The following IL20RB variants were observed in gnomAD, a reference collection of about 807,000 sequenced individuals.
The protein encoded by IL20RB is interleukin 20 receptor subunit beta.
In IL20RB, 21 loss-of-function variants were observed where a neutral mutation model predicts 33.3. The ratio of observed to expected loss-of-function variants is 0.63; its 90% CI spans 0.45 to 0.91. The LOEUF (loss-of-function observed/expected upper bound fraction) is 0.91. IL20RB is among the 40% of genes least tolerant of loss of function. IL20RB has a pLI of 0.00. For synonymous variants in IL20RB, 147 were observed against 146.8 expected, an observed-to-expected ratio of 1.00 and a Z score of -0.01; for missense variants, 345 against 384.8, an observed-to-expected ratio of 0.90 and a Z score of 0.86.
intron 4 of IL20RB, 65 bp from the exon 5 acceptor site, chr3:136,991,873 G>A (rs1942038714): frequency 5.8e-6 from 9 of 1,561,238 alleles, no homozygotes; most frequent in Non-Finnish European, 7.9e-6. Flanking sequence ...GGCTCCCAAA[G>A]TGCTGGGATT....
At position 136,958,090 on chromosome 3, in the gene IL20RB, T is replaced by A. The variant is rs1392881304; in HGVS notation, c.-24T>A. The A allele has an allele frequency of 6.6e-6, 9 of 1,369,912 alleles. No homozygotes were observed. Among genetic ancestry groups the A allele is most frequent in the Non-Finnish European group, 9.4e-6 (9 of 959,026 alleles). 84.9% of individuals were successfully genotyped at this position (1,369,912 alleles called of 1,614,324 possible). A position where few individuals can be genotyped will look rare whatever the true frequency, so the allele number is the denominator to read the frequency against. ...GCTTTATTTTGGAAAGAAACAATGTTCTAGGTCAAACTGAGTCTACCAAAT... is the reference window on the plus strand; with the variant it reads ...GCTTTATTTTGGAAAGAAACAATGTACTAGGTCAAACTGAGTCTACCAAAT... On this transcript the variant is annotated 5_prime_UTR_variant, in exon 1 of 7. Transcript: ENST00000329582.
Position 136,995,511 on chromosome 3 carries a change from G to A in IL20RB, c.780G>A (p.Leu260=). 6.2e-7 allele frequency: 1 copy of A among 1,614,156 alleles called. No individual in the cohort carries two copies. The highest frequency in any genetic ancestry group is 8.5e-7 in the Non-Finnish European group (1 of 1,180,026). Residue 260 remains leucine, a synonymous_variant, in exon 6 of 7, where the codon CTG becomes CTA. Transcript: ENST00000329582. The stretch of plus-strand genomic sequence containing the variant: ...TGTTCGTCTGGAAAATGGGCCGGCT[G>A]CTCCAGTACTCCTGTTGCCCCGTGG... ...VPLFVWKMGR[L]LQYSCCPVVV...
At chr3:136,987,639 G>A (rs994187422) in intron 3 of IL20RB, among the ~76,000 whole-genome samples, 3 of 152,218 alleles carry the variant, frequency 2.0e-5, no homozygotes, top group African/African-American at 7.2e-5. Context: ...GGAGCAGGGG[G>A]TGGCGCTCAT....
intron 5 of IL20RB, among the ~76,000 whole-genome samples, chr3:136,994,653 T>C (rs1942092831): frequency 6.6e-6 from 1 of 152,148 alleles, no homozygotes; most frequent in African/African-American, 2.4e-5. Flanking sequence ...AACTGAGAGA[T>C]GGGAAAATAA....
chr3:136,974,467 T>C (rs1941567441), intron 1 of IL20RB, among the ~76,000 whole-genome samples: 1 of 152,186 alleles, frequency 6.6e-6, no homozygotes, highest in Non-Finnish European at 1.5e-5. Flanking sequence ...AAATATATCA[T>C]TCCATTCTCT....
In IL20RB at chr3:136,985,936, A is replaced by T. The variant is rs528230209; in HGVS notation, c.407-3505A>T. The stretch of plus-strand genomic sequence containing the variant: ...GTAGATTAACTCTGTGACTCTGGGC[A>T]TGTCACTTAATCTCTCTGTAAAACA... On this transcript the variant is annotated intron_variant, in intron 3 of 6. Transcript: ENST00000329582. Among the ~76,000 whole-genome samples, 5 of 152,330 alleles carry T rather than the reference A, an allele frequency of 3.3e-5. No homozygotes were observed. In the South Asian group the frequency reaches 6.2e-4, roughly 19 times the overall value.
intron 4 of IL20RB, among the ~76,000 whole-genome samples, chr3:136,990,734 A>C (rs1398801993): frequency 6.6e-6 from 1 of 152,204 alleles, no homozygotes; most frequent in Non-Finnish European, 1.5e-5. Flanking sequence ...ATCTGGACTA[A>C]GAGCACATGC....
chr3:136,972,758 T>G (rs1941519439), intron 1 of IL20RB, among the ~76,000 whole-genome samples: 1 of 152,046 alleles, frequency 6.6e-6, no homozygotes, highest in African/African-American at 2.4e-5. Flanking sequence ...TTTTTTCATT[T>G]TCTTGATGTA....
intron 1 of IL20RB, among the ~76,000 whole-genome samples, chr3:136,960,990 A>T (rs575039791): frequency 1.2e-4 from 18 of 152,212 alleles, no homozygotes; most frequent in Non-Finnish European, 1.6e-4. Context: ...TTGCCTGGAA[A>T]GGTTGCCCCA....
Position 136,958,077 on chromosome 3 carries a change from A to G in IL20RB, c.-37A>G. On this transcript the variant is annotated 5_prime_UTR_variant, in exon 1 of 7. Coordinates refer to ENST00000329582, the MANE Select transcript of IL20RB (RefSeq NM_144717.4). ...AGATGGACAGAATGCTTTATTTTGGAAAGAAACAATGTTCTAGGTCAAACT... is the reference window on the plus strand; with the variant it reads ...AGATGGACAGAATGCTTTATTTTGGGAAGAAACAATGTTCTAGGTCAAACT... 8.0e-7 allele frequency: 1 copy of G among 1,246,752 alleles called. No homozygotes were observed. The highest frequency in any genetic ancestry group is 1.2e-5 in the South Asian group (1 of 82,680). 77.2% of individuals were successfully genotyped at this position (1,246,752 alleles called of 1,614,324 possible).
At chr3:136,991,492 T>C (rs1175223524) in intron 4 of IL20RB, among the ~76,000 whole-genome samples, 3 of 152,244 alleles carry the variant, frequency 2.0e-5, no homozygotes, top group Non-Finnish European at 4.4e-5. Context: ...CCTGAATGAA[T>C]GTATGTGTGA....
intron 3 of IL20RB, among the ~76,000 whole-genome samples, chr3:136,985,060 G>A (rs1941867813): frequency 6.6e-6 from 1 of 152,198 alleles, no homozygotes; most frequent in Non-Finnish European, 1.5e-5. Flanking sequence ...GGGTGGGGAT[G>A]TGCTGTAAAA....
Position 136,989,438 on chromosome 3 carries a change from C to A in IL20RB, c.407-3C>A. ...TTTGACTCTCCTGTTGTCTTGCCAA[C>A]AGCCATCCTTACCCGACCTGGGATG... On this transcript the variant is annotated splice_polypyrimidine_tract_variant and splice_region_variant and intron_variant, in intron 3 of 6. Transcript: ENST00000329582. 6.2e-7 allele frequency: 1 copy of A among 1,613,570 alleles called. No homozygotes were observed. Among genetic ancestry groups the A allele is most frequent in the Non-Finnish European group, 8.5e-7 (1 of 1,179,666 alleles).
At chr3:137,005,995 A>G (rs1942342578) in intron 6 of IL20RB, among the ~76,000 whole-genome samples, 1 of 152,180 alleles carries the variant, frequency 6.6e-6, no homozygotes, top group South Asian at 2.1e-4. Context: ...GCTTGGCTGT[A>G]AAGAATTTTA....
At chr3:136,978,836 C>T (rs891696538) in intron 1 of IL20RB, among the ~76,000 whole-genome samples, 1 of 152,066 alleles carries the variant, frequency 6.6e-6, no homozygotes, top group Non-Finnish European at 1.5e-5. Flanking sequence ...GAGGAAATTG[C>T]ATTTTGTTGA....
At chr3:136,976,884 G>A (rs1468601387) in intron 1 of IL20RB, among the ~76,000 whole-genome samples, 1 of 152,188 alleles carries the variant, frequency 6.6e-6, no homozygotes, top group Non-Finnish European at 1.5e-5. Flanking sequence ...AGCTCCCTAT[G>A]TATGTTTTCA....
chr3:136,987,294 G>A (rs918455619), intron 3 of IL20RB, among the ~76,000 whole-genome samples: 7 of 151,928 alleles, frequency 4.6e-5, no homozygotes, highest in African/African-American at 1.7e-4. Context: ...CACCAGATTA[G>A]TTAGATACAG....
chr3:136,980,291 CTT>C (rs5852860), intron 1 of IL20RB, 173 bp from the exon 2 acceptor site: 15,875 of 531,056 alleles, frequency 0.03, no homozygotes, highest in East Asian at 0.079. Context: ...ACATGTGAGG[CTT>C]TTTTTTTTTT....
At chr3:137,000,388 CTT>C (rs1942217866) in intron 6 of IL20RB, among the ~76,000 whole-genome samples, 1 of 152,200 alleles carries the variant, frequency 6.6e-6, no homozygotes, top group African/African-American at 2.4e-5. Context: ...TACTTTCTAA[CTT>C]CTGTGTTTGC....
Sources: gnomAD v4.1 joint callset for allele counts (sites outside exome capture counted in the v4.1 genomes callset) on GRCh38, gnomAD v4.1.1 for gene constraint, MANE v1.5 for transcripts, NCBI Gene and HGNC (gene_info 2026-07-23, HGNC 2026-07-21) for gene names.